Variants in LIPC observed in about 807,000 individuals in gnomAD.
The protein encoded by LIPC is lipase C, hepatic type.
LIPC carries 44 observed loss-of-function variants against 50.7 expected under a neutral mutation model. The observed-to-expected ratio is 0.87, with a 90% CI of 0.68 to 1.11. LIPC has a LOEUF of 1.11. Ranked by LOEUF, LIPC falls within the 50% of genes most tolerant of loss-of-function variation. The pLI is 0.00. For missense variants in LIPC, 697 were observed against 648.2 expected (o/e 1.08, Z -0.82); for synonymous variants, 271 against 256.4 (o/e 1.06, Z -0.54).
chr15:58,439,520 A>T (rs1181175852), intron 1 of LIPC, among the ~76,000 whole-genome samples: 1 of 152,060 alleles, frequency 6.6e-6, no homozygotes, highest in Non-Finnish European at 1.5e-5. Context: ...CTTGGCTCGC[A>T]GCAACCTCTG....
At chr15:58,543,249 T>C (rs770968610) in intron 4 of LIPC, among the ~76,000 whole-genome samples, 11 of 152,012 alleles carry the variant, frequency 7.2e-5, no homozygotes, top group Non-Finnish European at 1.2e-4. Context: ...CTGCCAGGCA[T>C]TGGATCCAAA....
At chr15:58,564,152 ATC>A (rs60807082) in intron 8 of LIPC, 12 of 161,160 alleles carry the variant, frequency 7.4e-5, no homozygotes, top group East Asian at 1.6e-4. Context: ...ATCTCGATGT[ATC>A]TCTCTCTCTC....
chr15:58,471,910 G>T (rs1177200736), intron 1 of LIPC, among the ~76,000 whole-genome samples: 1 of 152,062 alleles, frequency 6.6e-6, no homozygotes. Context: ...TGAGGGCAGG[G>T]GACATAGCTC....
chr15:58,549,846 C>A (rs1375080098), intron 6 of LIPC, among the ~76,000 whole-genome samples: 5 of 152,274 alleles, frequency 3.3e-5, no homozygotes, highest in African/African-American at 1.2e-4. Flanking sequence ...GATGGCAGCA[C>A]GCAGGTGAGG....
chr15:58,560,818 A>T, intron 6 of LIPC, 46 bp from the exon 7 acceptor site: 1 of 809,848 alleles, frequency 1.2e-6, no homozygotes, highest in Non-Finnish European at 2.2e-6. Flanking sequence ...ATTTAAAATC[A>T]CTGCTTAAAT....
intron 1 of LIPC, among the ~76,000 whole-genome samples, chr15:58,488,290 C>A (rs1353180026): frequency 6.6e-6 from 1 of 152,192 alleles, no homozygotes; most frequent in East Asian, 1.9e-4. Context: ...AGAAGTTAGA[C>A]TGCTCAATTC....
intron 4 of LIPC, among the ~76,000 whole-genome samples, chr15:58,544,759 C>G (rs1893464071): frequency 6.6e-6 from 1 of 152,156 alleles, no homozygotes; most frequent in Non-Finnish European, 1.5e-5. Flanking sequence ...ACGGCTCACT[C>G]TCAATTCCTT....
intron 1 of LIPC, among the ~76,000 whole-genome samples, chr15:58,514,830 A>C (rs572388410): frequency 6.6e-6 from 1 of 152,364 alleles, no homozygotes; most frequent in South Asian, 2.1e-4. Context: ...TCTCAAAAAA[A>C]GTTAATGCAG....
intron 1 of LIPC, among the ~76,000 whole-genome samples, chr15:58,437,713 T>G (rs1156541497): frequency 6.6e-6 from 1 of 152,108 alleles, no homozygotes; most frequent in East Asian, 1.9e-4. Flanking sequence ...CTGAGAGGCC[T>G]CCACAGTTAC....
intron 1 of LIPC, among the ~76,000 whole-genome samples, chr15:58,441,774 C>G (rs1046181700): frequency 1.8e-4 from 27 of 152,140 alleles, no homozygotes; most frequent in Admixed American, 1.3e-4. Flanking sequence ...AATGATCTAG[C>G]AGATGGGAAG....
At chr15:58,462,036 C>T (rs913181649) in intron 1 of LIPC, among the ~76,000 whole-genome samples, 17 of 152,060 alleles carry the variant, frequency 1.1e-4, no homozygotes, top group African/African-American at 4.1e-4. Flanking sequence ...TGCACTGGAT[C>T]ATCCAAGTTA....
rs866940506 is a variant in LIPC, at chr15:58,552,519, G to C, written c.1051+3947G>C. ...CCTCCACTCTTCTCCTGTCTTCCCC[G>C]TGCTGCCCTTCCCCCTCCCCCGCCC... On this transcript the variant is annotated intron_variant, in intron 6 of 8. Transcript: ENST00000299022. Among the ~76,000 whole-genome samples, 5 of 152,062 alleles carry C rather than the reference G, an allele frequency of 3.3e-5. No homozygotes were observed. In the Middle Eastern group the frequency reaches 0.01, roughly 310 times the overall value.
chr15:58,523,608 A>ATT (rs59557225), intron 1 of LIPC, among the ~76,000 whole-genome samples: 8,436 of 149,896 alleles, frequency 0.056, 823 homozygotes, highest in African/African-American at 0.19. Flanking sequence ...ACAAGCTGGG[A>ATT]TTTTTTTTTT....
intron 1 of LIPC, among the ~76,000 whole-genome samples, chr15:58,440,813 A>G (rs535106612): frequency 2.6e-5 from 4 of 152,218 alleles, no homozygotes; most frequent in Non-Finnish European, 2.9e-5. Context: ...CATTGTAAGC[A>G]GAGGGAAAAA....
At chr15:58,454,658 T>G (rs1894043368) in intron 1 of LIPC, 1 of 152,272 alleles carries the variant, frequency 6.6e-6, no homozygotes, top group African/African-American at 2.4e-5. Context: ...GGTTGGGGCC[T>G]CTGCTACACA....
chr15:58,506,948 T>C (rs1268782855), intron 1 of LIPC, among the ~76,000 whole-genome samples: 3 of 152,154 alleles, frequency 2.0e-5, no homozygotes, highest in East Asian at 1.9e-4. Context: ...AACACATCCT[T>C]CCGCAAATGG....
intron 1 of LIPC, among the ~76,000 whole-genome samples, chr15:58,451,049 G>C (rs1893881600): frequency 3.3e-5 from 5 of 152,152 alleles, no homozygotes; most frequent in Admixed American, 3.3e-4. Flanking sequence ...GAAGAATCAT[G>C]GTTTACTGAA....
intron 1 of LIPC, among the ~76,000 whole-genome samples, chr15:58,480,274 A>G (rs925965568): frequency 6.6e-6 from 1 of 152,140 alleles, no homozygotes; most frequent in African/African-American, 2.4e-5. Context: ...CATAAGCTTC[A>G]TTCATTCATT....
intron 1 of LIPC, among the ~76,000 whole-genome samples, chr15:58,482,820 G>A (rs561628599): frequency 1.3e-5 from 2 of 152,210 alleles, no homozygotes; most frequent in Admixed American, 6.5e-5. Flanking sequence ...GGGGGCTTTT[G>A]AAAGGGCCCA....
Sources: gnomAD v4.1 joint callset for allele counts (sites outside exome capture counted in the v4.1 genomes callset) on GRCh38, gnomAD v4.1.1 for gene constraint, MANE v1.5 for transcripts, NCBI Gene and HGNC (gene_info 2026-07-23, HGNC 2026-07-21) for gene names.